CPNE8: variants seen among roughly 807,000 people sequenced by gnomAD.
The protein encoded by CPNE8 is copine-8.
A neutral mutation model predicts 81.5 loss-of-function variants in CPNE8; 45 were observed. The observed-to-expected ratio is 0.55, with a 90% CI of 0.44 to 0.71. The LOEUF is 0.71. CPNE8 is among the 30% of genes least tolerant of loss of function. The pLI is 0.00. For synonymous variants in CPNE8, 252 were observed against 226.3 expected, an observed-to-expected ratio of 1.11 and a Z score of -1.02; for missense variants, 594 against 672.1, an observed-to-expected ratio of 0.88 and a Z score of 1.28.
intron 13 of CPNE8, among the ~76,000 whole-genome samples, chr12:38,709,749 T>C (rs1940203440): frequency 6.6e-6 from 1 of 152,202 alleles, no homozygotes; most frequent in Non-Finnish European, 1.5e-5. Flanking sequence ...GATGCTCCCA[T>C]GTCAGATTTC....
intron 10 of CPNE8, among the ~76,000 whole-genome samples, chr12:38,746,008 T>C (rs1230821408): frequency 6.6e-6 from 1 of 152,114 alleles, no homozygotes; most frequent in African/African-American, 2.4e-5. Flanking sequence ...GCTCTCCAGG[T>C]GATTCTCATG....
chr12:38,882,622 A>C (rs1944178075), intron 1 of CPNE8, among the ~76,000 whole-genome samples: 1 of 152,208 alleles, frequency 6.6e-6, no homozygotes, highest in East Asian at 1.9e-4. Context: ...CAGTTCATTC[A>C]CCAAGACACC....
intron 6 of CPNE8, among the ~76,000 whole-genome samples, chr12:38,784,409 C>T (rs1230424607): frequency 1.3e-5 from 2 of 151,964 alleles, no homozygotes; most frequent in Non-Finnish European, 2.9e-5. Context: ...AAGCTACTGG[C>T]CTTTTAAAAA....
At chr12:38,746,102 C>T (rs1397035797) in intron 10 of CPNE8, among the ~76,000 whole-genome samples, 4 of 152,060 alleles carry the variant, frequency 2.6e-5, no homozygotes. Context: ...TATATTTTCT[C>T]TTGATTATAG....
intron 1 of CPNE8, among the ~76,000 whole-genome samples, chr12:38,902,362 A>AAGAAAGAAAGAAAATAAAG: frequency 1.0e-5 from 1 of 95,282 alleles, no homozygotes; most frequent in South Asian, 3.0e-4. Context: ...GAAAGAAAGA[A>AAGAAAGAAAGAAAATAAAG]AGAAAGAAAG....
Position 38,702,357 on chromosome 12 carries a change from T to C in CPNE8, c.961+518A>G, listed in dbSNP as rs946273431. ...ATGGGCTGTTATATATCCGTCCCTC[T>C]GAGTGAATTAGATATTAATGTGTTA... is the stretch of plus-strand genomic sequence containing the variant. On this transcript the variant is annotated intron_variant, in intron 14 of 19. Transcript: ENST00000331366. Among the ~76,000 whole-genome samples the C allele has an allele frequency of 6.6e-5, 10 of 152,264 alleles. No homozygotes were observed. The South Asian group carries it at 1.9e-3, about 28-fold the overall frequency.
chr12:38,820,573 C>G (rs1461729665), intron 6 of CPNE8, among the ~76,000 whole-genome samples: 1 of 152,020 alleles, frequency 6.6e-6, no homozygotes, highest in African/African-American at 2.4e-5. Context: ...TGTTTATTAG[C>G]TTTATTTGAG....
chr12:38,686,031 A>C (rs1939527968), intron 15 of CPNE8, among the ~76,000 whole-genome samples: 1 of 152,208 alleles, frequency 6.6e-6, no homozygotes, highest in Non-Finnish European at 1.5e-5. Context: ...TAGATAACTG[A>C]TAACTTTACT....
intron 6 of CPNE8, among the ~76,000 whole-genome samples, chr12:38,795,271 T>C (rs1451004292): frequency 6.6e-6 from 1 of 152,190 alleles, no homozygotes; most frequent in African/African-American, 2.4e-5. Flanking sequence ...TACATATATA[T>C]CCTATTAGTT....
At chr12:38,905,627 AG>A, upstream of CPNE8, 1 of 1,514,864 alleles carries the variant, frequency 6.6e-7, no homozygotes, top group South Asian at 1.2e-5. Flanking sequence ...ATGGGGGTTG[AG>A]GGTGGAGGCA....
At chr12:38,901,734 T>C (rs1242808290) in intron 1 of CPNE8, among the ~76,000 whole-genome samples, 3 of 152,120 alleles carry the variant, frequency 2.0e-5, no homozygotes, top group Non-Finnish European at 4.4e-5. Flanking sequence ...TGGCTATAAA[T>C]TTAACCACTG....
At chr12:38,660,821 A>C (rs1422996475) in intron 19 of CPNE8, among the ~76,000 whole-genome samples, 1 of 152,218 alleles carries the variant, frequency 6.6e-6, no homozygotes, top group Non-Finnish European at 1.5e-5. Context: ...GATACTTCTC[A>C]AAAGACATTT....
intron 11 of CPNE8, among the ~76,000 whole-genome samples, chr12:38,729,864 C>A (rs1290058018): frequency 1.3e-5 from 2 of 151,934 alleles, no homozygotes; most frequent in African/African-American, 4.8e-5. Flanking sequence ...TCATTCCCTT[C>A]AGTCTCCACC....
Position 38,855,745 on chromosome 12 carries a change from T to C in CPNE8, c.187-7083A>G, listed in dbSNP as rs143712991. Among the ~76,000 whole-genome samples the C allele has an allele frequency of 1.1e-4, 17 of 152,196 alleles. No individual in the cohort carries two copies. The East Asian group carries it at 3.1e-3, about 28-fold the overall frequency. ...AATGTTTTCACCACAAAAATAATAA[T>C]AAGTAGGTGAGGTACTGGATTTCTT... is the stretch of plus-strand genomic sequence containing the variant. On this transcript the variant is annotated intron_variant, in intron 3 of 19. Transcript: ENST00000331366.
At chr12:38,691,995 C>T (rs1022400946) in intron 15 of CPNE8, among the ~76,000 whole-genome samples, 5 of 151,990 alleles carry the variant, frequency 3.3e-5, no homozygotes, top group Admixed American at 2.6e-4. Flanking sequence ...TAATTGGGCT[C>T]AAAGAACAAA....
chr12:38,888,895 GC>G (rs1400308677), intron 1 of CPNE8, among the ~76,000 whole-genome samples: 1 of 152,056 alleles, frequency 6.6e-6, no homozygotes, highest in African/African-American at 2.4e-5. Context: ...AGGCCTTCCA[GC>G]CATGGTTCCT....
chr12:38,667,175 C>T (rs898264379), intron 19 of CPNE8, among the ~76,000 whole-genome samples: 10 of 152,048 alleles, frequency 6.6e-5, no homozygotes, highest in Middle Eastern at 3.2e-3. Context: ...AAACTGGATT[C>T]GCTTCAAGCA....
intron 13 of CPNE8, among the ~76,000 whole-genome samples, chr12:38,719,213 T>C (rs1257773537): frequency 1.3e-5 from 2 of 152,212 alleles, no homozygotes; most frequent in Non-Finnish European, 2.9e-5. Flanking sequence ...ATAGTTTAGA[T>C]ATTTTAAATG....
At chr12:38,668,362 T>C (rs1939104080) in intron 19 of CPNE8, among the ~76,000 whole-genome samples, 1 of 152,226 alleles carries the variant, frequency 6.6e-6, no homozygotes. Flanking sequence ...TTCAATGTAG[T>C]ATATCTATTG....
Sources: allele counts gnomAD v4.1 joint callset (sites outside exome capture counted in the v4.1 genomes callset), GRCh38; gene constraint gnomAD v4.1.1; transcripts MANE v1.5; gene names NCBI Gene and HGNC (gene_info 2026-07-23, HGNC 2026-07-21).